Variants in PDCL observed in about 807,000 individuals in gnomAD.
PDCL encodes the protein phosducin like.
PDCL carries 11 observed loss-of-function variants against 26.7 expected under a neutral mutation model. That is an observed-to-expected ratio of 0.41 (90% CI 0.26 to 0.68). The LOEUF (loss-of-function observed/expected upper bound fraction) is 0.68. PDCL is among the 30% of genes least tolerant of loss of function. The probability of loss-of-function intolerance (pLI) is 0.30; values close to 1 mark genes in which losing one functional copy is unlikely to be tolerated. For synonymous variants in PDCL, 118 were observed against 134.9 expected (o/e 0.87, Z 0.87); for missense variants, 330 against 371.6 (o/e 0.89, Z 0.92).
chr9:122,821,031 G>A (rs1829548705), intron 3 of PDCL, among the ~76,000 whole-genome samples: 2 of 151,764 alleles, frequency 1.3e-5, no homozygotes, highest in Non-Finnish European at 2.9e-5. Flanking sequence ...CAGTTAACAT[G>A]TACTACATGC....
intron 1 of PDCL, among the ~76,000 whole-genome samples, chr9:122,827,564 A>G (rs1459930781): frequency 1.3e-5 from 2 of 152,042 alleles, no homozygotes; most frequent in Non-Finnish European, 2.9e-5. Context: ...GTAAAAGCAA[A>G]CAAACAAACA....
At chr9:122,827,706 T>C (rs970244054) in intron 1 of PDCL, among the ~76,000 whole-genome samples, 9 of 152,038 alleles carry the variant, frequency 5.9e-5, no homozygotes, top group African/African-American at 2.2e-4. Context: ...CACTCCAGCC[T>C]GGGAGACAGA....
At chr9:122,824,034 T>A (rs1198938998) in intron 2 of PDCL, among the ~76,000 whole-genome samples, 1 of 152,116 alleles carries the variant, frequency 6.6e-6, no homozygotes, top group East Asian at 1.9e-4. Flanking sequence ...CCTCCCAAAG[T>A]GCTATGGGAT....
At position 122,820,125 on chromosome 9, in the gene PDCL, G is replaced by A. The variant is rs1829532985; in HGVS notation, c.866C>T (p.Ala289Val). 4 of 1,613,032 alleles carry A rather than the reference G, an allele frequency of 2.5e-6. No homozygotes were observed. The highest frequency in any genetic ancestry group is 2.7e-5 in the African/African-American group (2 of 74,878). ...VLVLTSVRNS[A>V]TCHSEDSDLE... ...GTCGCTATCCTCACTGTGACACGTG[G>A]CAGAGTTACGCACAGATGTCAGCAC... The change falls in exon 4 of 4, where the codon GCC (alanine) becomes GTC (valine). Residue 289 changes from alanine (A) to valine (V), a missense_variant. Transcript: ENST00000259467.
chr9:122,822,746 G>T lies in PDCL; in HGVS notation c.354+270C>A, dbSNP rs555638550. 3.3e-5 allele frequency among the ~76,000 whole-genome samples: 5 copies of T among 152,274 alleles called. No homozygotes were observed. The East Asian group carries it at 9.6e-4, about 29-fold the overall frequency. On this transcript the variant is annotated intron_variant, in intron 3 of 3. Transcript: ENST00000259467. ...TTCAATGGGCCAGACACTGTGATGG[G>T]CATATTAACAACACAGCCCTGCACG...
Position 122,820,462 on chromosome 9 carries a change from C to A in PDCL, c.529G>T (p.Glu177Ter). The change falls in exon 4 of 4, where the codon GAA becomes TAA. Residue 177 changes from glutamate (E) to a stop codon, truncating the protein, a stop_gained. Transcript: ENST00000259467. LOFTEE classifies it high-confidence loss of function. ...GEGFLDMIDK[E>*]QKSIVIMVHI... Reference sequence around the variant, plus strand: ...ACCATGATGACAATGCTTTTCTGTTCTTTATCAATCATGTCTAAAAACCCT... The same window carrying A: ...ACCATGATGACAATGCTTTTCTGTTATTTATCAATCATGTCTAAAAACCCT... 1 of 1,614,078 alleles carries A rather than the reference C, an allele frequency of 6.2e-7. No homozygotes were observed. Among genetic ancestry groups the A allele is most frequent in the East Asian group, 2.2e-5 (1 of 44,870 alleles).
intron 3 of PDCL, among the ~76,000 whole-genome samples, chr9:122,821,731 A>G (rs1829556370): frequency 6.6e-6 from 1 of 152,034 alleles, no homozygotes. Context: ...ATGTTGCCTC[A>G]TTCTGGCCTC....
chr9:122,825,051 A>G (rs536336873), intron 2 of PDCL, among the ~76,000 whole-genome samples: 1 of 152,348 alleles, frequency 6.6e-6, no homozygotes, highest in South Asian at 2.1e-4. Flanking sequence ...GCAATCTAAA[A>G]AAAAATTAAA....
intron 2 of PDCL, 96 bp downstream of exon 2, chr9:122,826,520 T>C (rs1489224342): frequency 1.8e-6 from 2 of 1,091,866 alleles, no homozygotes; most frequent in Non-Finnish European, 2.5e-6. Flanking sequence ...GAGTTAAAAG[T>C]GATCAGGAGA....
chr9:122,820,712 G>A (rs1027706794), intron 3 of PDCL, 76 bp from the exon 4 acceptor site: 96 of 1,248,206 alleles, frequency 7.7e-5, no homozygotes, highest in East Asian at 3.5e-4. Context: ...GGCCGGGCGC[G>A]GTGGCTCACG....
At position 122,818,525 on chromosome 9, in the gene PDCL, ATTTT is replaced by A. The variant is rs1270808731; in HGVS notation, c.*1556_*1559del. ...TAACAATACTTCCCTGCTTCTAATA[ATTTT>A]CAATACATTCCACCCTTTCTACTAC... On this transcript the variant is annotated 3_prime_UTR_variant, in exon 4 of 4. Coordinates refer to ENST00000259467, the MANE Select transcript of PDCL (RefSeq NM_005388.5). 6.6e-6 allele frequency: 1 copy of A among 151,892 alleles called. No individual in the cohort carries two copies. The highest frequency in any genetic ancestry group is 1.5e-5 in the Non-Finnish European group (1 of 67,978). The allele number at this position is 151,892 out of a possible 1,614,324, so 9.4% of individuals were successfully genotyped here.
In PDCL at chr9:122,826,740, G is replaced by GA; in HGVS notation, c.47_48insT (p.Tyr17LeufsTer2). 6.2e-7 allele frequency: 1 copy of GA among 1,614,114 alleles called. No individual in the cohort carries two copies. The highest frequency in any genetic ancestry group is 8.5e-7 in the Non-Finnish European group (1 of 1,180,000). On this transcript the variant is annotated frameshift_variant, in exon 2 of 4. Coordinates refer to ENST00000259467, the MANE Select transcript of PDCL (RefSeq NM_005388.5). LOFTEE classifies it high-confidence loss of function. ...TGTCCTCATCCTCACTGCTGCTATA[G>GA]TAGTACTGCAGTTTCTCCCCCAGCA...
intron 2 of PDCL, among the ~76,000 whole-genome samples, chr9:122,825,850 AGT>A (rs1378034619): frequency 1.3e-5 from 2 of 152,216 alleles, no homozygotes; most frequent in Non-Finnish European, 2.9e-5. Flanking sequence ...TGAGGCCAGC[AGT>A]GTGAGGCCAG....
rs766904666 is a variant in PDCL, at chr9:122,820,640, C to T, written c.355-4G>A. 1 of 1,595,322 alleles carries T rather than the reference C, an allele frequency of 6.3e-7. No individual in the cohort carries two copies. The highest frequency in any genetic ancestry group is 1.3e-5 in the African/African-American group (1 of 74,092). ...TGGCAAACTCCTTCAGAGTCATCTG[C>T]AGGCGGACCAGCAAGTGAGCATAAA... On this transcript the variant is annotated splice_region_variant and splice_polypyrimidine_tract_variant and intron_variant, in intron 3 of 3. Coordinates refer to ENST00000259467, the MANE Select transcript of PDCL (RefSeq NM_005388.5).
Position 122,823,170 on chromosome 9 carries a change from C to T in PDCL, c.200G>A (p.Arg67His). ...CTCTGTCTCCAACTGCTTGAAGCGGCGCCAGTCATTGATCACACCTTTTGG... is the reference window on the plus strand; with the variant it reads ...CTCTGTCTCCAACTGCTTGAAGCGGTGCCAGTCATTGATCACACCTTTTGG... Reference protein sequence around the residue: ...TGPKGVINDWRRFKQLETEQR... With the variant: ...TGPKGVINDWHRFKQLETEQR... The change falls in exon 3 of 4, where the codon CGC (arginine) becomes CAC (histidine). Residue 67 changes from arginine (R) to histidine (H), a missense_variant. Arg to His is a conservative substitution (Grantham distance 29). Transcript: ENST00000259467. 2 of 1,614,000 alleles carry T rather than the reference C, an allele frequency of 1.2e-6. No homozygotes were observed. The highest frequency in any genetic ancestry group is 1.6e-4 in the Middle Eastern group (1 of 6,062).
At chr9:122,820,944 G>C (rs1829546328) in intron 3 of PDCL, 1 of 318,238 alleles carries the variant, frequency 3.1e-6, no homozygotes, top group African/African-American at 2.2e-5. Context: ...GTTGCAGTTA[G>C]CCAAGATCAC....
chr9:122,824,870 C>T (rs1263716729), intron 2 of PDCL, among the ~76,000 whole-genome samples: 1 of 152,046 alleles, frequency 6.6e-6, no homozygotes, highest in Non-Finnish European at 1.5e-5. Flanking sequence ...TATAACACTA[C>T]AATAATTAAA....
At chr9:122,823,288 GA>G in intron 2 of PDCL, 91 bp from the exon 3 acceptor site, 4 of 1,243,200 alleles carry the variant, frequency 3.2e-6, no homozygotes, top group Non-Finnish European at 4.6e-6. Context: ...ACATCTGCCT[GA>G]AGCTTGCTCC....
Position 122,820,498 on chromosome 9 carries a change from A to C in PDCL, c.493T>G (p.Ser165Ala). Residue 165 changes from serine to alanine, a missense_variant, in exon 4 of 4, where the codon TCC becomes GCC. Coordinates refer to ENST00000259467, the MANE Select transcript of PDCL (RefSeq NM_005388.5). Reference protein sequence around the residue: ...GPQFKQVFEISSGEGFLDMID... With the variant: ...GPQFKQVFEIASGEGFLDMID... Reference sequence around the variant, plus strand: ...ATGTCTAAAAACCCTTCTCCACTGGAGATCTCAAAAACCTGCTTGAATTGG... The same window carrying C: ...ATGTCTAAAAACCCTTCTCCACTGGCGATCTCAAAAACCTGCTTGAATTGG... The C allele has an allele frequency of 6.2e-7, 1 of 1,614,076 alleles. No homozygotes were observed. The highest frequency in any genetic ancestry group is 8.5e-7 in the Non-Finnish European group (1 of 1,180,014).
Sources: allele counts gnomAD v4.1 joint callset (sites outside exome capture counted in the v4.1 genomes callset), GRCh38; gene constraint gnomAD v4.1.1; transcripts MANE v1.5; gene names NCBI Gene and HGNC (gene_info 2026-07-23, HGNC 2026-07-21).